The following CFAP69 variants were observed in gnomAD, a reference collection of about 807,000 sequenced individuals.
CFAP69 encodes the protein cilia- and flagella-associated protein 69.
In CFAP69, 92 loss-of-function variants were observed where a neutral mutation model predicts 123.0. The observed-to-expected ratio is 0.75, with a 90% CI of 0.63 to 0.89. The LOEUF (loss-of-function observed/expected upper bound fraction) is 0.89, where lower values mean the gene tolerates loss of function less well. Among genes scored for constraint, CFAP69 ranks in the 40% least tolerant of loss-of-function variants. The pLI is 0.00. For missense variants in CFAP69, 1,067 were observed against 1,096.9 expected (o/e 0.97, Z 0.39); for synonymous variants, 380 against 364.3 (o/e 1.04, Z -0.49).
At chr7:90,286,539 T>C in intron 14 of CFAP69, 140 bp downstream of exon 14, 1 of 840,644 alleles carries the variant, frequency 1.2e-6, no homozygotes, top group Non-Finnish European at 1.8e-6. Flanking sequence ...TTATATAAAG[T>C]AAAAGGTACA....
chr7:90,316,933 A>G, the CFAP69 span: 2 of 152,188 alleles, frequency 1.3e-5, no homozygotes, highest in South Asian at 2.1e-4. Context: ...CTAAAAGTAC[A>G]TGGTCTCACT....
At chr7:90,317,385 G>C in the CFAP69 span, 1 of 152,014 alleles carries the variant, frequency 6.6e-6, no homozygotes, top group Non-Finnish European at 1.5e-5. Flanking sequence ...TTTACACGCT[G>C]TCTGGTCATT....
chr7:90,251,491 G>C (rs1004267573), intron 1 of CFAP69, among the ~76,000 whole-genome samples: 1 of 152,188 alleles, frequency 6.6e-6, no homozygotes, highest in African/African-American at 2.4e-5. Context: ...TTGTTGGCCA[G>C]AGTTATTTTG....
intron 20 of CFAP69, 26 bp downstream of exon 20, chr7:90,307,124 G>A: frequency 6.3e-7 from 1 of 1,581,340 alleles, no homozygotes; most frequent in East Asian, 2.2e-5. Context: ...AGTGAGGAGG[G>A]AGAATGAAGA....
chr7:90,284,224 G>A lies in CFAP69; in HGVS notation c.1537+1168G>A, dbSNP rs573498658. ...TGATCTTTATGTTAAGTTCTTAGAG[G>A]CAGGGACCTTGTCTTATTGAGTCTA... is the stretch of plus-strand genomic sequence containing the variant. On this transcript the variant is annotated intron_variant, in intron 13 of 22. Coordinates refer to ENST00000389297, the MANE Select transcript of CFAP69 (RefSeq NM_001039706.3). Among the ~76,000 whole-genome samples, 16 of 152,208 alleles carry A rather than the reference G, an allele frequency of 1.1e-4. No individual in the cohort carries two copies. In the South Asian group the frequency reaches 2.7e-3, roughly 26 times the overall value.
chr7:90,316,898 A>C, the CFAP69 span: 3 of 152,220 alleles, frequency 2.0e-5, no homozygotes, highest in Non-Finnish European at 4.4e-5. Flanking sequence ...GTGATTGAGG[A>C]CAACTGGTTG....
intron 20 of CFAP69, 112 bp downstream of exon 20, chr7:90,307,210 T>C (rs1793737735): frequency 1.4e-6 from 1 of 725,122 alleles, no homozygotes; most frequent in Non-Finnish European, 2.4e-6. Flanking sequence ...AGGACAACTA[T>C]AGTAACAATA....
chr7:90,251,311 GGGAAA>G, intron 1 of CFAP69, among the ~76,000 whole-genome samples: 1 of 152,126 alleles, frequency 6.6e-6, no homozygotes, highest in Non-Finnish European at 1.5e-5. Context: ...TTGCTGACAT[GGGAAA>G]GCTAGAGGTG....
downstream of CFAP69, among the ~76,000 whole-genome samples, chr7:90,313,867 TAGAA>T (rs1473786092): frequency 2.6e-5 from 4 of 152,066 alleles, no homozygotes; most frequent in Non-Finnish European, 5.9e-5. Flanking sequence ...GGATGTAATA[TAGAA>T]AGAAAGTGGA....
At chr7:90,279,267 A>T (rs1789066046) in intron 11 of CFAP69, among the ~76,000 whole-genome samples, 1 of 152,052 alleles carries the variant, frequency 6.6e-6, no homozygotes, top group African/African-American at 2.4e-5. Flanking sequence ...ATTTCCTTTT[A>T]AAAAAAGAGT....
intron 6 of CFAP69, 89 bp from the exon 7 acceptor site, chr7:90,271,437 C>G: frequency 1.5e-6 from 2 of 1,359,420 alleles, no homozygotes; most frequent in Non-Finnish European, 2.0e-6. Flanking sequence ...GTTTTTCTTG[C>G]TGTTGCTTAA....
At chr7:90,271,010 AGTAAT>A (rs150651602) in intron 6 of CFAP69, among the ~76,000 whole-genome samples, 1,650 of 152,270 alleles carry the variant, frequency 0.011, 25 homozygotes, top group African/African-American at 0.038. Flanking sequence ...AAAGTACTGA[AGTAAT>A]GCATTGAACC....
At position 90,286,271 on chromosome 7, in the gene CFAP69, T is replaced by A; in HGVS notation, c.1538-10T>A. 8 of 1,585,746 alleles carry A rather than the reference T, an allele frequency of 5.0e-6. No homozygotes were observed. The highest frequency in any genetic ancestry group is 6.9e-6 in the Non-Finnish European group (8 of 1,162,792). ...AATAACTATACAGTCTTTAAATGTTTTCATACCAGGAATCTTTAAAAATAT... is the reference window on the plus strand; with the variant it reads ...AATAACTATACAGTCTTTAAATGTTATCATACCAGGAATCTTTAAAAATAT... On this transcript the variant is annotated splice_polypyrimidine_tract_variant and intron_variant, in intron 13 of 22. Coordinates refer to ENST00000389297, the MANE Select transcript of CFAP69 (RefSeq NM_001039706.3).
At chr7:90,321,783 A>G in the CFAP69 span, among the ~76,000 whole-genome samples, 11 of 152,134 alleles carry the variant, frequency 7.2e-5, no homozygotes, top group African/African-American at 2.7e-4. Context: ...TTGCTTCTAC[A>G]CTGGGGGAAA....
chr7:90,303,012 C>A (rs1793042790), intron 17 of CFAP69: 1 of 152,046 alleles, frequency 6.6e-6, no homozygotes, highest in Non-Finnish European at 1.5e-5. Context: ...TTTTCTAATT[C>A]TCATCATAGA....
At position 90,283,055 on chromosome 7, in the gene CFAP69, A is replaced by C. The variant is rs372037842; in HGVS notation, c.1536A>C (p.Ile512=). 46 of 1,544,250 alleles carry C rather than the reference A, an allele frequency of 3.0e-5. No homozygotes were observed. The highest frequency in any genetic ancestry group is 3.7e-5 in the Non-Finnish European group (43 of 1,147,980). Reference sequence around the variant, plus strand: ...AAAAGGGAACAATTCAGCAAATGATAGGTAAAATATAACATGGTGGTTTAC... The same window carrying C: ...AAAAGGGAACAATTCAGCAAATGATCGGTAAAATATAACATGGTGGTTTAC... ...LCEKGTIQQM[I]GIFKNIISKP... Residue 512 remains isoleucine, a splice_region_variant and synonymous_variant, in exon 13 of 23, where the codon ATA becomes ATC. Coordinates refer to ENST00000389297, the MANE Select transcript of CFAP69 (RefSeq NM_001039706.3).
intron 11 of CFAP69, among the ~76,000 whole-genome samples, chr7:90,279,374 C>T (rs763247601): frequency 3.9e-5 from 6 of 151,902 alleles, no homozygotes; most frequent in South Asian, 2.1e-4. Context: ...TTTTATTATA[C>T]GTTAAAATAT....
intron 1 of CFAP69, among the ~76,000 whole-genome samples, chr7:90,252,656 A>G (rs1316510860): frequency 6.6e-6 from 1 of 152,208 alleles, no homozygotes; most frequent in Non-Finnish European, 1.5e-5. Flanking sequence ...TGAGCAACAG[A>G]GTAAGACTCT....
Position 90,271,777 on chromosome 7 carries a change from T to A in CFAP69, c.683-4T>A. The A allele has an allele frequency of 6.4e-7, 1 of 1,572,196 alleles. No homozygotes were observed. Among genetic ancestry groups the A allele is most frequent in the Non-Finnish European group, 8.6e-7 (1 of 1,161,266 alleles). ...CACAAATAATTTTTAAAATTTATTT[T>A]CAGAAGTTAATTGTACTATAATGAT... On this transcript the variant is annotated splice_polypyrimidine_tract_variant and splice_region_variant and intron_variant, in intron 7 of 22. Transcript: ENST00000389297.
Sources: allele counts gnomAD v4.1 joint callset (sites outside exome capture counted in the v4.1 genomes callset), GRCh38; gene constraint gnomAD v4.1.1; transcripts MANE v1.5; gene names NCBI Gene and HGNC (gene_info 2026-07-23, HGNC 2026-07-21).